Variants in ACOXL observed in about 807,000 individuals in gnomAD.
ACOXL encodes acyl-coenzyme A oxidase-like protein.
Under a neutral mutation model 71.9 loss-of-function variants are expected in ACOXL, and 70 were observed. The ratio of observed to expected loss-of-function variants is 0.97; its 90% CI spans 0.80 to 1.19. ACOXL has a LOEUF of 1.19. Among genes scored for constraint, ACOXL ranks in the 50% most tolerant of loss-of-function variants. The pLI, the probability that ACOXL is intolerant of heterozygous loss-of-function variation, is 0.00. For synonymous variants in ACOXL, 253 were observed against 281.6 expected, an observed-to-expected ratio of 0.90 and a Z score of 1.02; for missense variants, 703 against 736.3, an observed-to-expected ratio of 0.95 and a Z score of 0.52.
chr2:111,117,898 C>T lies in ACOXL; in HGVS notation c.*82C>T, dbSNP rs1172416620. ...CGACGCCCAGAGCTGTGGCCGAGGCCGGGGGCTGGCACCCGCTGGGCCGCC... is the reference window on the plus strand; with the variant it reads ...CGACGCCCAGAGCTGTGGCCGAGGCTGGGGGCTGGCACCCGCTGGGCCGCC... On this transcript the variant is annotated 3_prime_UTR_variant, in exon 18 of 18. Coordinates refer to ENST00000439055, the MANE Select transcript of ACOXL (RefSeq NM_001142807.4). 14 of 1,428,228 alleles carry T rather than the reference C, an allele frequency of 9.8e-6. No individual in the cohort carries two copies. The highest frequency in any genetic ancestry group is 2.9e-5 in the African/African-American group (2 of 70,030). The allele number at this position is 1,428,228 out of a possible 1,614,324, so 88.5% of individuals were successfully genotyped here. A position where few individuals can be genotyped will look rare whatever the true frequency, so the allele number is the denominator to read the frequency against.
intron 10 of ACOXL, among the ~76,000 whole-genome samples, chr2:110,868,152 A>G (rs931746081): frequency 6.6e-6 from 1 of 152,222 alleles, no homozygotes; most frequent in Admixed American, 6.5e-5. Flanking sequence ...AACGAATTTC[A>G]TGTAGTCAAT....
chr2:111,103,398 C>T lies in ACOXL; in HGVS notation c.1542+10432C>T, dbSNP rs528847549. ...GGGACAGGACTTAACTTGTGAGAGC[C>T]GATACATCTGTGGAAGGAAATTAAG... On this transcript the variant is annotated intron_variant, in intron 17 of 17. Transcript: ENST00000439055. 1.3e-4 allele frequency among the ~76,000 whole-genome samples: 20 copies of T among 152,270 alleles called. 1 individual carries two copies. Among genetic ancestry groups the T allele is most frequent in the Admixed American group, 7.8e-4 (12 of 15,290 alleles).
At chr2:110,948,161 G>A (rs729386) in intron 12 of ACOXL, among the ~76,000 whole-genome samples, 102,528 of 152,124 alleles carry the variant, frequency 0.67, 34,795 homozygotes, top group East Asian at 0.79. Context: ...GTGAAGTCTC[G>A]AAAAAGCTCT....
chr2:110,946,309 A>C (rs1370062445), intron 12 of ACOXL, among the ~76,000 whole-genome samples: 1 of 152,236 alleles, frequency 6.6e-6, no homozygotes, highest in Non-Finnish European at 1.5e-5. Flanking sequence ...TTATATATCT[A>C]GAATTATGTT....
chr2:110,820,948 T>C (rs1036572272), intron 9 of ACOXL, among the ~76,000 whole-genome samples: 1 of 152,164 alleles, frequency 6.6e-6, no homozygotes, highest in Non-Finnish European at 1.5e-5. Context: ...CTGCTATTGT[T>C]GGATACCCAG....
intron 10 of ACOXL, among the ~76,000 whole-genome samples, chr2:110,881,425 T>G (rs1558666482): frequency 1.3e-5 from 2 of 152,174 alleles, no homozygotes; most frequent in Non-Finnish European, 2.9e-5. Flanking sequence ...TTAACTCTTT[T>G]AATATAACCT....
intron 16 of ACOXL, among the ~76,000 whole-genome samples, chr2:111,064,939 G>A (rs919988770): frequency 2.0e-5 from 3 of 152,070 alleles, no homozygotes; most frequent in Non-Finnish European, 2.9e-5. Context: ...TCCCCATATC[G>A]AATACAGGTT....
At chr2:110,769,508 G>T (rs1654963454) in intron 2 of ACOXL, among the ~76,000 whole-genome samples, 1 of 151,370 alleles carries the variant, frequency 6.6e-6, no homozygotes, top group South Asian at 2.1e-4. Flanking sequence ...TACAAAACTG[G>T]CCAGGCACAG....
intron 12 of ACOXL, among the ~76,000 whole-genome samples, chr2:110,982,343 G>A (rs941566260): frequency 2.0e-5 from 3 of 151,860 alleles, no homozygotes; most frequent in African/African-American, 7.3e-5. Context: ...GCTTCCCTTT[G>A]CCCTTCCCTC....
At chr2:111,101,022 A>G (rs2069119487) in intron 17 of ACOXL, 1 of 152,646 alleles carries the variant, frequency 6.6e-6, no homozygotes, top group African/African-American at 2.4e-5. Context: ...GAGTCATTCA[A>G]GTAGTTCTGA....
intron 12 of ACOXL, among the ~76,000 whole-genome samples, chr2:110,976,335 ATAT>A: frequency 6.6e-6 from 1 of 152,210 alleles, no homozygotes; most frequent in East Asian, 1.9e-4. Context: ...CTCTTAGGTG[ATAT>A]TATGGCTCCT....
In ACOXL at chr2:110,914,094, T is replaced by G. The variant is rs1947964; in HGVS notation, c.905+5189T>G. 4.6e-5 allele frequency among the ~76,000 whole-genome samples: 7 copies of G among 152,010 alleles called. No homozygotes were observed. The South Asian group carries it at 1.5e-3, about 32-fold the overall frequency. On this transcript the variant is annotated intron_variant, in intron 11 of 17. Coordinates refer to ENST00000439055, the MANE Select transcript of ACOXL (RefSeq NM_001142807.4). ...TAGATGGCAATGGTTGCACAACTCC[T>G]TAAATATACTAGAAATCACTGAATT...
rs1473507008 is a variant in ACOXL at position 111,078,246 on chromosome 2, C to T, written c.1441-14619C>T. 2.6e-5 allele frequency among the ~76,000 whole-genome samples: 4 copies of T among 152,074 alleles called. No individual in the cohort carries two copies. The East Asian group carries it at 7.7e-4, about 29-fold the overall frequency. ...TCAGTTCTAAAATGTCTACTTGATTCTCTTTTATGTTTTATATTTCTTTCT... is the reference window on the plus strand; with the variant it reads ...TCAGTTCTAAAATGTCTACTTGATTTTCTTTTATGTTTTATATTTCTTTCT... On this transcript the variant is annotated intron_variant, in intron 16 of 17. Coordinates refer to ENST00000439055, the MANE Select transcript of ACOXL (RefSeq NM_001142807.4).
chr2:110,934,533 G>A (rs2060592278), intron 12 of ACOXL, among the ~76,000 whole-genome samples: 1 of 152,212 alleles, frequency 6.6e-6, no homozygotes, highest in Admixed American at 6.5e-5. Flanking sequence ...TTTAGCTTCA[G>A]AAGAGAATGG....
At chr2:110,963,532 A>G (rs1025336984) in intron 12 of ACOXL, 19 of 1,399,246 alleles carry the variant, frequency 1.4e-5, no homozygotes, top group Middle Eastern at 1.9e-4. Flanking sequence ...AGAAAATGTG[A>G]GTCCTATGTA....
chr2:110,865,754 A>C (rs1296116478), intron 10 of ACOXL, among the ~76,000 whole-genome samples: 1 of 152,162 alleles, frequency 6.6e-6, no homozygotes, highest in Non-Finnish European at 1.5e-5. Flanking sequence ...TGTGTTTGCA[A>C]GGAGAGAAAT....
intron 16 of ACOXL, among the ~76,000 whole-genome samples, chr2:111,064,784 A>C (rs141422967): frequency 6.6e-6 from 1 of 152,368 alleles, no homozygotes; most frequent in Non-Finnish European, 1.5e-5. Context: ...AGAAATACTT[A>C]GGTATAAACC....
intron 9 of ACOXL, among the ~76,000 whole-genome samples, chr2:110,829,642 T>G (rs1689588314): frequency 6.6e-6 from 1 of 152,152 alleles, no homozygotes; most frequent in Non-Finnish European, 1.5e-5. Flanking sequence ...TCTTGTCTAG[T>G]TGTGCCCTGC....
intron 10 of ACOXL, among the ~76,000 whole-genome samples, chr2:110,845,144 G>A (rs1170831081): frequency 6.6e-6 from 1 of 152,202 alleles, no homozygotes; most frequent in Non-Finnish European, 1.5e-5. Flanking sequence ...AGTCCTGGGA[G>A]GGCCAAGATG....
Sources: gnomAD v4.1 joint callset for allele counts (sites outside exome capture counted in the v4.1 genomes callset) on GRCh38, gnomAD v4.1.1 for gene constraint, MANE v1.5 for transcripts, NCBI Gene and HGNC (gene_info 2026-07-23, HGNC 2026-07-21) for gene names.